The following PDE11A variants were observed in gnomAD, a reference collection of about 807,000 sequenced individuals.
PDE11A encodes phosphodiesterase 11A, also known as dual 3',5'-cyclic-AMP and -GMP phosphodiesterase 11A.
A neutral mutation model predicts 100.5 loss-of-function variants in PDE11A; 100 were observed. The ratio of observed to expected loss-of-function variants is 1.00; its 90% CI spans 0.85 to 1.18. The LOEUF is 1.18. PDE11A is among the 50% of genes most tolerant of loss of function. The pLI is 0.00. For missense variants in PDE11A, 1,141 were observed against 1,152.6 expected (o/e 0.99, Z 0.15); for synonymous variants, 381 against 420.8 (o/e 0.91, Z 1.16).
chr2:177,789,851 C>A (rs1380601192), intron 9 of PDE11A, among the ~76,000 whole-genome samples: 1 of 152,082 alleles, frequency 6.6e-6, no homozygotes, highest in East Asian at 1.9e-4. Flanking sequence ...AAGACCTCTT[C>A]AAGGAGAACT....
chr2:177,706,635 A>G (rs1051763020), intron 13 of PDE11A, among the ~76,000 whole-genome samples: 5 of 152,198 alleles, frequency 3.3e-5, no homozygotes, highest in Admixed American at 3.3e-4. Flanking sequence ...TGGTGGCATT[A>G]AGTGTCCTAA....
chr2:177,953,581 T>G (rs1468600281), intron 2 of PDE11A, among the ~76,000 whole-genome samples: 2 of 152,162 alleles, frequency 1.3e-5, no homozygotes, highest in Admixed American at 6.6e-5. Flanking sequence ...CAGTTCCAAT[T>G]TTTTTCATTA....
intron 2 of PDE11A, among the ~76,000 whole-genome samples, chr2:177,944,061 C>T (rs1046373337): frequency 6.6e-6 from 1 of 152,006 alleles, no homozygotes; most frequent in South Asian, 2.1e-4. Context: ...TGCTGTCAAA[C>T]GTTCTGAAAA....
chr2:178,034,356 A>T (rs1438562856), intron 1 of PDE11A, among the ~76,000 whole-genome samples: 1 of 152,234 alleles, frequency 6.6e-6, no homozygotes, highest in Non-Finnish European at 1.5e-5. Flanking sequence ...CCAATACAGG[A>T]GCACTCAGAT....
At chr2:177,989,018 G>T (rs529831975) in intron 2 of PDE11A, among the ~76,000 whole-genome samples, 1 of 152,264 alleles carries the variant, frequency 6.6e-6, no homozygotes, top group East Asian at 1.9e-4. Flanking sequence ...TCTCAGAGAG[G>T]ATGGCAAAAT....
intron 1 of PDE11A, among the ~76,000 whole-genome samples, chr2:178,025,970 C>A (rs2086473265): frequency 6.6e-6 from 1 of 152,118 alleles, no homozygotes; most frequent in South Asian, 2.1e-4. Context: ...GATTCAGACA[C>A]CAGACAAACA....
intron 2 of PDE11A, among the ~76,000 whole-genome samples, chr2:177,918,960 C>T (rs917852328): frequency 6.6e-6 from 1 of 152,156 alleles, no homozygotes; most frequent in African/African-American, 2.4e-5. Context: ...GAGAAGGAGA[C>T]TCTCAAATAT....
intron 2 of PDE11A, among the ~76,000 whole-genome samples, chr2:178,099,057 TG>T: frequency 6.6e-6 from 1 of 152,178 alleles, no homozygotes; most frequent in Non-Finnish European, 1.5e-5. Context: ...TGCCCAAAAA[TG>T]CAAGTGGTGC....
chr2:177,951,766 C>G (rs192042444), intron 2 of PDE11A, among the ~76,000 whole-genome samples: 1 of 152,274 alleles, frequency 6.6e-6, no homozygotes, highest in Admixed American at 6.5e-5. Context: ...GCTTACCTGA[C>G]AGTAAACCCC....
Position 178,072,550 on chromosome 2 carries a change from C to T in PDE11A, c.-113G>A. Reference sequence around the variant, plus strand: ...CCCCACCAGTATTCCCAGTTCAGCGCCACCTCCCCTGGAGATTATTCCCAG... The same window carrying T: ...CCCCACCAGTATTCCCAGTTCAGCGTCACCTCCCCTGGAGATTATTCCCAG... On this transcript the variant is annotated 5_prime_UTR_variant, in exon 1 of 20. Coordinates refer to ENST00000286063, the MANE Select transcript of PDE11A (RefSeq NM_016953.4). 1.9e-6 allele frequency: 3 copies of T among 1,548,626 alleles called. No individual in the cohort carries two copies. Among genetic ancestry groups the T allele is most frequent in the Non-Finnish European group, 2.6e-6 (3 of 1,154,310 alleles).
chr2:178,035,965 A>G (rs1376211266), intron 1 of PDE11A, among the ~76,000 whole-genome samples: 1 of 152,210 alleles, frequency 6.6e-6, no homozygotes, highest in East Asian at 1.9e-4. Flanking sequence ...AACCAACACA[A>G]GACAAGGATG....
At chr2:178,054,291 C>T (rs374873902) in intron 1 of PDE11A, among the ~76,000 whole-genome samples, 2 of 152,058 alleles carry the variant, frequency 1.3e-5, no homozygotes, top group Non-Finnish European at 2.9e-5. Flanking sequence ...AACTGGCTAG[C>T]CATATGTAGA....
Position 177,818,928 on chromosome 2 carries a change from G to A in PDE11A, c.1577-1003C>T, listed in dbSNP as rs544817980. On this transcript the variant is annotated intron_variant, in intron 7 of 19. Coordinates refer to ENST00000286063, the MANE Select transcript of PDE11A (RefSeq NM_016953.4). Reference sequence around the variant, plus strand: ...TAAAAACACCCAACTTCCCACCAGGGAGGTAAGTCATCATATGCAAGAAGA... The same window carrying A: ...TAAAAACACCCAACTTCCCACCAGGAAGGTAAGTCATCATATGCAAGAAGA... 1.1e-4 allele frequency among the ~76,000 whole-genome samples: 16 copies of A among 149,906 alleles called. No homozygotes were observed. The East Asian group carries it at 2.9e-3, about 27-fold the overall frequency.
chr2:178,034,948 C>A (rs534894889), intron 1 of PDE11A, among the ~76,000 whole-genome samples: 6 of 152,248 alleles, frequency 3.9e-5, no homozygotes, highest in Non-Finnish European at 8.8e-5. Context: ...GGCACCCTAA[C>A]ATCACAATTA....
At chr2:178,105,412 T>C (rs1291705581) in intron 1 of PDE11A, among the ~76,000 whole-genome samples, 3 of 152,118 alleles carry the variant, frequency 2.0e-5, no homozygotes, top group African/African-American at 7.2e-5. Context: ...TAAGCTGAGA[T>C]TGCGCCACTG....
intron 3 of PDE11A, chr2:177,899,571 T>A: frequency 3.1e-6 from 1 of 327,346 alleles, no homozygotes; most frequent in South Asian, 2.8e-5. Context: ...TTTTCACTAA[T>A]ACACATCCCT....
intron 1 of PDE11A, among the ~76,000 whole-genome samples, chr2:178,042,050 C>T (rs2086689153): frequency 6.6e-6 from 1 of 152,172 alleles, no homozygotes; most frequent in Admixed American, 6.5e-5. Context: ...TTCTCTGTTT[C>T]TAAATGGGTC....
intron 1 of PDE11A, among the ~76,000 whole-genome samples, chr2:178,037,632 C>G (rs956126029): frequency 2.6e-5 from 4 of 152,138 alleles, no homozygotes; most frequent in Non-Finnish European, 5.9e-5. Flanking sequence ...AAATGCCCAT[C>G]AATGATAGAC....
intron 6 of PDE11A, among the ~76,000 whole-genome samples, chr2:177,824,983 TAATA>T (rs1213649303): frequency 6.6e-6 from 1 of 152,192 alleles, no homozygotes; most frequent in Non-Finnish European, 1.5e-5. Flanking sequence ...AAATTTTAGA[TAATA>T]AACACAGATA....
Sources: allele counts gnomAD v4.1 joint callset (sites outside exome capture counted in the v4.1 genomes callset), GRCh38; gene constraint gnomAD v4.1.1; transcripts MANE v1.5; gene names NCBI Gene and HGNC (gene_info 2026-07-23, HGNC 2026-07-21).